GPHN: variants seen among roughly 807,000 people sequenced by gnomAD.
GPHN encodes gephyrin.
GPHN carries 17 observed loss-of-function variants against 95.5 expected under a neutral mutation model. The ratio of observed to expected loss-of-function variants is 0.18; its 90% CI spans 0.12 to 0.27. The LOEUF is 0.27. Among genes scored for constraint, GPHN ranks in the 10% least tolerant of loss-of-function variants. The pLI, the probability that GPHN is intolerant of heterozygous loss-of-function variation, is 1.00. For missense variants in GPHN, 660 were observed against 978.1 expected (o/e 0.67, Z 4.34); for synonymous variants, 320 against 322.5 (o/e 0.99, Z 0.08).
At chr14:67,734,066 T>G in the GPHN span, 2 of 425,984 alleles carry the variant, frequency 4.7e-6, no homozygotes, top group Non-Finnish European at 4.5e-6. Flanking sequence ...AGTGTTCTTC[T>G]CTAAGACCTG....
intron 5 of GPHN, among the ~76,000 whole-genome samples, chr14:66,893,541 G>A (rs966919103): frequency 6.6e-6 from 1 of 152,116 alleles, no homozygotes. Context: ...AGAAATAAAG[G>A]GTATTCAATT....
the GPHN span, chr14:67,208,340 T>C: frequency 2.5e-6 from 4 of 1,613,856 alleles, no homozygotes; most frequent in Non-Finnish European, 1.7e-6. Flanking sequence ...TCAAACTACC[T>C]TGACCCCAGT....
the GPHN span, among the ~76,000 whole-genome samples, chr14:67,495,619 A>T: frequency 6.6e-6 from 1 of 151,978 alleles, no homozygotes; most frequent in Non-Finnish European, 1.5e-5. Context: ...AGTAGCTGGG[A>T]TTACAGGTGC....
intron 9 of GPHN, among the ~76,000 whole-genome samples, chr14:66,994,544 T>G (rs1033250435): frequency 1.3e-5 from 2 of 152,288 alleles, no homozygotes; most frequent in Admixed American, 6.5e-5. Flanking sequence ...CTGACTTTAA[T>G]TCAAAGATAA....
At chr14:67,067,789 C>CAGG (rs1433421255) in intron 11 of GPHN, among the ~76,000 whole-genome samples, 1 of 152,210 alleles carries the variant, frequency 6.6e-6, no homozygotes, top group African/African-American at 2.4e-5. Context: ...CCTGGTCTGC[C>CAGG]AGTTGCTAAG....
At chr14:67,453,909 C>T in the GPHN span, among the ~76,000 whole-genome samples, 2 of 152,318 alleles carry the variant, frequency 1.3e-5, no homozygotes, top group Admixed American at 1.3e-4. Flanking sequence ...GGAGCCTCAG[C>T]TTTCTCATCT....
chr14:67,023,088 C>T (rs1216929631), intron 9 of GPHN, among the ~76,000 whole-genome samples: 1 of 151,822 alleles, frequency 6.6e-6, no homozygotes, highest in African/African-American at 2.4e-5. Context: ...TAATCAGTAA[C>T]AGGTTATCAG....
the GPHN span, among the ~76,000 whole-genome samples, chr14:67,229,608 G>T: frequency 1.3e-5 from 2 of 152,104 alleles, no homozygotes; most frequent in East Asian, 3.9e-4. Flanking sequence ...TCCAAATTGA[G>T]ATATACCATA....
chr14:67,080,167 T>C (rs1193762612), intron 11 of GPHN, among the ~76,000 whole-genome samples: 2 of 152,136 alleles, frequency 1.3e-5, no homozygotes, highest in African/African-American at 4.8e-5. Context: ...TGACAATTAC[T>C]GATAATGAGC....
the GPHN span, among the ~76,000 whole-genome samples, chr14:67,661,660 T>G: frequency 6.6e-6 from 1 of 151,072 alleles, no homozygotes; most frequent in African/African-American, 2.4e-5. Context: ...GCCTCCTGAG[T>G]AGCTGGGTCC....
chr14:67,701,425 C>CTTTTTT, the GPHN span, among the ~76,000 whole-genome samples: 3 of 71,134 alleles, frequency 4.2e-5, no homozygotes, highest in Non-Finnish European at 5.7e-5. Flanking sequence ...ATTATAATTT[C>CTTTTTT]TTTTTTTTTT....
Position 66,983,034 on chromosome 14 carries a change from A to G in GPHN, c.963+17709A>G, listed in dbSNP as rs537547736. The stretch of plus-strand genomic sequence containing the variant: ...TGGGAGGCCGAGGCAGGCGGATCAC[A>G]TAAGGTCAGGAGTTCAAGAGCAGCC... On this transcript the variant is annotated intron_variant, in intron 9 of 22. Coordinates refer to ENST00000478722, the MANE Select transcript of GPHN (RefSeq NM_020806.5). Among the ~76,000 whole-genome samples the G allele has an allele frequency of 4.6e-5, 7 of 152,242 alleles. No individual in the cohort carries two copies. The South Asian group carries it at 1.2e-3, about 27-fold the overall frequency.
the GPHN span, among the ~76,000 whole-genome samples, chr14:67,318,227 T>C: frequency 6.6e-6 from 1 of 152,190 alleles, no homozygotes; most frequent in Non-Finnish European, 1.5e-5. Context: ...TTTGAAATAT[T>C]TGGGAGCAGC....
intron 3 of GPHN, among the ~76,000 whole-genome samples, chr14:66,795,936 C>A (rs1355887394): frequency 6.6e-6 from 1 of 152,036 alleles, no homozygotes; most frequent in East Asian, 1.9e-4. Flanking sequence ...TTCATTCATT[C>A]TGTTTTTTGT....
At chr14:67,482,690 C>G in the GPHN span, among the ~76,000 whole-genome samples, 1 of 152,202 alleles carries the variant, frequency 6.6e-6, no homozygotes, top group Non-Finnish European at 1.5e-5. Flanking sequence ...CTGAACTTCC[C>G]CTGTTGTCAT....
chr14:67,381,055 A>G, the GPHN span, among the ~76,000 whole-genome samples: 3 of 152,166 alleles, frequency 2.0e-5, no homozygotes. Context: ...AATATTCCAA[A>G]TTTTTACAAA....
intron 5 of GPHN, among the ~76,000 whole-genome samples, chr14:66,901,592 G>A (rs915893497): frequency 3.9e-5 from 6 of 151,954 alleles, no homozygotes; most frequent in Admixed American, 6.6e-5. Context: ...CTCTGCAAGT[G>A]GATATCCAGT....
intron 17 of GPHN, among the ~76,000 whole-genome samples, chr14:67,124,482 G>A (rs2079186265): frequency 6.6e-6 from 1 of 152,094 alleles, no homozygotes; most frequent in Admixed American, 6.5e-5. Context: ...TTGAATTTGG[G>A]CCTTAGCAGT....
chr14:67,110,213 C>G lies in GPHN; in HGVS notation c.1367C>G (p.Ala456Gly). ...TGAPIPCGADAVVQVEDTELI... is the reference protein window; with the variant it reads ...TGAPIPCGADGVVQVEDTELI... ...GCTCCAATACCCTGCGGTGCTGATG[C>G]AGTAGTACAAGTGGAAGATACCGAA... Residue 456 changes from alanine (A) to glycine (G), a missense_variant, in exon 14 of 23, where the codon GCA (alanine) becomes GGA (glycine). Coordinates refer to ENST00000478722, the MANE Select transcript of GPHN (RefSeq NM_020806.5). The G allele has an allele frequency of 6.2e-7, 1 of 1,612,858 alleles. No homozygotes were observed. The highest frequency in any genetic ancestry group is 8.5e-7 in the Non-Finnish European group (1 of 1,178,844).
Sources: allele counts gnomAD v4.1 joint callset (sites outside exome capture counted in the v4.1 genomes callset), GRCh38; gene constraint gnomAD v4.1.1; transcripts MANE v1.5; gene names NCBI Gene and HGNC (gene_info 2026-07-23, HGNC 2026-07-21).